ASCC1: variants seen among roughly 807,000 people sequenced by gnomAD.
The protein encoded by ASCC1 is ASC-1 complex subunit P50.
Under a neutral mutation model 46.6 loss-of-function variants are expected in ASCC1, and 35 were observed. The observed-to-expected ratio is 0.75, with a 90% confidence interval of 0.57 to 0.99. ASCC1 has a LOEUF of 0.99. Ranked by LOEUF, ASCC1 falls within the 50% of genes least tolerant of loss-of-function variation. ASCC1 has a pLI of 0.00. For missense variants in ASCC1, 376 were observed against 428.7 expected, an observed-to-expected ratio of 0.88 and a Z score of 1.09; for synonymous variants, 143 against 146.6, an observed-to-expected ratio of 0.98 and a Z score of 0.18.
chr10:72,154,521 A>G (rs947473958), intron 6 of ASCC1, among the ~76,000 whole-genome samples: 1 of 147,912 alleles, frequency 6.8e-6, no homozygotes, highest in East Asian at 2.0e-4. Flanking sequence ...AGACAGGGCC[A>G]CACTCTGTCA....
intron 6 of ASCC1, among the ~76,000 whole-genome samples, chr10:72,154,165 T>C (rs150068249): frequency 7.2e-5 from 11 of 152,322 alleles, no homozygotes; most frequent in African/African-American, 2.4e-4. Flanking sequence ...TGTGTAACTG[T>C]TGATAAAGCA....
At chr10:72,114,241 T>A (rs1843238807) in intron 9 of ASCC1, among the ~76,000 whole-genome samples, 1 of 152,226 alleles carries the variant, frequency 6.6e-6, no homozygotes, top group Non-Finnish European at 1.5e-5. Context: ...CAAATTTAAT[T>A]GAGAAATGAA....
chr10:72,117,989 C>T (rs1260949318), intron 9 of ASCC1, among the ~76,000 whole-genome samples: 4 of 152,194 alleles, frequency 2.6e-5, no homozygotes, highest in African/African-American at 4.8e-5. Flanking sequence ...TGCAATGGGA[C>T]ATTTAGCAAT....
At chr10:72,154,047 G>C (rs1252240405) in intron 6 of ASCC1, among the ~76,000 whole-genome samples, 1 of 152,120 alleles carries the variant, frequency 6.6e-6, no homozygotes, top group Non-Finnish European at 1.5e-5. Flanking sequence ...CAAGCAATCT[G>C]TCAATATTTA....
At chr10:72,141,985 G>A (rs57571684) in intron 7 of ASCC1, among the ~76,000 whole-genome samples, 6,379 of 152,146 alleles carry the variant, frequency 0.042, 474 homozygotes, top group African/African-American at 0.14. Context: ...CTCTGTAGCT[G>A]GGGTATTAGC....
chr10:72,112,010 T>G (rs556990230), intron 9 of ASCC1, among the ~76,000 whole-genome samples: 117 of 152,314 alleles, frequency 7.7e-4, no homozygotes, highest in African/African-American at 2.7e-3. Context: ...TTCTTTTACC[T>G]CTTTCCACCA....
chr10:72,117,870 A>G (rs1843678221), intron 9 of ASCC1, among the ~76,000 whole-genome samples: 1 of 152,246 alleles, frequency 6.6e-6, no homozygotes, highest in South Asian at 2.1e-4. Flanking sequence ...TAAAATATCC[A>G]GTCATAGAAA....
chr10:72,164,917 A>G (rs912510891), intron 5 of ASCC1, among the ~76,000 whole-genome samples: 2 of 152,166 alleles, frequency 1.3e-5, no homozygotes, highest in African/African-American at 4.8e-5. Context: ...GGATATTTGT[A>G]CATCTTCTCT....
At position 72,204,462 on chromosome 10, in the gene ASCC1, T is replaced by C. The variant is rs954592838; in HGVS notation, c.213-938A>G. 47 of 1,550,352 alleles carry C rather than the reference T, an allele frequency of 3.0e-5. No homozygotes were observed. In the East Asian group the frequency reaches 5.6e-4, roughly 19 times the overall value. ...TAAATATTCTGACAATCCAAAGTTA[T>C]CTTCTGGAACCCACAGTCGTTTGAT... On this transcript the variant is annotated intron_variant, in intron 3 of 9. Transcript: ENST00000672957.
At chr10:72,152,751 A>G in intron 7 of ASCC1, 118 bp downstream of exon 7, 2 of 1,226,654 alleles carry the variant, frequency 1.6e-6, no homozygotes, top group Non-Finnish European at 1.2e-6. Flanking sequence ...AGAGAGAGAA[A>G]TAATTAACAT....
At chr10:72,120,607 A>C (rs1165455961) in intron 9 of ASCC1, among the ~76,000 whole-genome samples, 1 of 151,984 alleles carries the variant, frequency 6.6e-6, no homozygotes, top group Non-Finnish European at 1.5e-5. Context: ...AAAAAAAAAA[A>C]ATTGTACCTA....
chr10:72,172,790 TTA>T (rs1265615271), intron 5 of ASCC1, among the ~76,000 whole-genome samples: 13 of 135,926 alleles, frequency 9.6e-5, no homozygotes, highest in African/African-American at 3.2e-4. Flanking sequence ...ATATTATATA[TTA>T]TATATTATAT....
At chr10:72,133,626 A>C (rs1423848684) in intron 7 of ASCC1, 3 of 244,352 alleles carry the variant, frequency 1.2e-5, no homozygotes, top group Non-Finnish European at 2.4e-5. Flanking sequence ...CAGTTATGAC[A>C]GAGAGTGACA....
intron 1 of ASCC1, among the ~76,000 whole-genome samples, chr10:72,213,665 T>C (rs1858534641): frequency 6.6e-6 from 1 of 150,914 alleles, no homozygotes; most frequent in South Asian, 2.1e-4. Flanking sequence ...CCCAGCACTT[T>C]GGGAGGCCAA....
chr10:72,098,678 C>A (rs2131860796), intron 9 of ASCC1, among the ~76,000 whole-genome samples: 1 of 152,324 alleles, frequency 6.6e-6, no homozygotes, highest in South Asian at 2.1e-4. Context: ...AATGGCCTAG[C>A]AAAATGCCTG....
intron 5 of ASCC1, among the ~76,000 whole-genome samples, chr10:72,162,300 A>T (rs1316974204): frequency 2.0e-5 from 3 of 151,884 alleles, no homozygotes; most frequent in Non-Finnish European, 4.4e-5. Context: ...CCTCCCAAGT[A>T]GCTGGGACTA....
intron 5 of ASCC1, among the ~76,000 whole-genome samples, chr10:72,173,504 T>G (rs922882938): frequency 1.3e-5 from 2 of 152,134 alleles, no homozygotes; most frequent in East Asian, 3.8e-4. Context: ...CGAAAGTCCT[T>G]TTTGGAATTA....
chr10:72,190,610 A>G (rs1854277511), intron 5 of ASCC1: 3 of 1,054,708 alleles, frequency 2.8e-6, no homozygotes, highest in Admixed American at 5.0e-5. Flanking sequence ...ATACCTAATA[A>G]ACAATTTAAG....
chr10:72,189,056 G>A (rs766260350), intron 5 of ASCC1, among the ~76,000 whole-genome samples: 5 of 151,960 alleles, frequency 3.3e-5, no homozygotes, highest in African/African-American at 4.8e-5. Flanking sequence ...CTCATCCAGC[G>A]TGTCTCTCAT....
Sources: gnomAD v4.1 joint callset for allele counts (sites outside exome capture counted in the v4.1 genomes callset) on GRCh38, gnomAD v4.1.1 for gene constraint, MANE v1.5 for transcripts, NCBI Gene and HGNC (gene_info 2026-07-23, HGNC 2026-07-21) for gene names.